The following FRMD4A variants were observed in gnomAD, a reference collection of about 807,000 sequenced individuals.
FRMD4A encodes FERM domain containing 4A.
A neutral mutation model predicts 129.1 loss-of-function variants in FRMD4A; 29 were observed. That is an observed-to-expected ratio of 0.22 (90% CI 0.17 to 0.31). FRMD4A has a LOEUF of 0.31. Among genes scored for constraint, FRMD4A ranks in the 10% least tolerant of loss-of-function variants. FRMD4A has a pLI of 1.00. For missense variants in FRMD4A, 1,272 were observed against 1,375.8 expected (o/e 0.92, Z 1.19); for synonymous variants, 634 against 571.6 (o/e 1.11, Z -1.56).
At chr10:13,684,871 GAAA>G (rs11315548) in intron 15 of FRMD4A, 121 of 875,706 alleles carry the variant, frequency 1.4e-4, no homozygotes, top group Middle Eastern at 1.2e-3. Flanking sequence ...AGACCTTAGA[GAAA>G]AAAAAAAAAA....
At chr10:13,719,691 G>T (rs745454916) in intron 12 of FRMD4A, among the ~76,000 whole-genome samples, 3 of 152,156 alleles carry the variant, frequency 2.0e-5, no homozygotes, top group Non-Finnish European at 4.4e-5. Flanking sequence ...CTAAGTATTG[G>T]CTGGTTCAGC....
intron 23 of FRMD4A, chr10:13,652,845 G>C (rs1229647968): frequency 6.6e-6 from 1 of 152,240 alleles, no homozygotes; most frequent in Non-Finnish European, 1.5e-5. Flanking sequence ...TTGTGTTACA[G>C]GTAAGCCCGA....
chr10:14,151,252 A>G (rs369714900), intron 2 of FRMD4A, among the ~76,000 whole-genome samples: 10 of 152,378 alleles, frequency 6.6e-5, no homozygotes, highest in African/African-American at 2.2e-4. Context: ...AAAGTCATGT[A>G]AGCAACCTAA....
intron 2 of FRMD4A, among the ~76,000 whole-genome samples, chr10:13,884,186 A>ACGCT (rs1554956520): frequency 7.3e-5 from 8 of 109,652 alleles, no homozygotes; most frequent in East Asian, 2.9e-4. Flanking sequence ...TCACACACAC[A>ACGCT]CACACACACT....
intron 17 of FRMD4A, among the ~76,000 whole-genome samples, chr10:13,669,057 G>GATTTT (rs541360128): frequency 2.1e-5 from 2 of 97,460 alleles, no homozygotes. Flanking sequence ...CTGAGCTTTA[G>GATTTT]TTTTTTTTTT....
chr10:13,651,140 A>G (rs890373523), intron 24 of FRMD4A: 3 of 152,264 alleles, frequency 2.0e-5, no homozygotes, highest in African/African-American at 7.2e-5. Flanking sequence ...TTAAATGCAC[A>G]TTAGGTTCAG....
chr10:13,675,178 G>T (rs557138147), intron 15 of FRMD4A, 134 bp from the exon 16 acceptor site: 29 of 751,466 alleles, frequency 3.9e-5, no homozygotes, highest in Non-Finnish European at 6.0e-5. Flanking sequence ...AATAAAACAG[G>T]TGCTCAGCAC....
chr10:14,123,144 A>T (rs903601947), intron 2 of FRMD4A, among the ~76,000 whole-genome samples: 5 of 152,230 alleles, frequency 3.3e-5, no homozygotes, highest in South Asian at 2.1e-4. Context: ...AAAACAAAAC[A>T]AAACTAAAAC....
At chr10:14,231,318 G>T (rs1344087525) in intron 2 of FRMD4A, among the ~76,000 whole-genome samples, 1 of 151,262 alleles carries the variant, frequency 6.6e-6, no homozygotes, top group Non-Finnish European at 1.5e-5. Context: ...TAGCTATTCT[G>T]ACTGGTATGA....
Position 13,964,223 on chromosome 10 carries a change from A to G in FRMD4A, c.46-105311T>C, listed in dbSNP as rs1195324720. Among the ~76,000 whole-genome samples, 4 of 152,068 alleles carry G rather than the reference A, an allele frequency of 2.6e-5. No homozygotes were observed. In the East Asian group the frequency reaches 7.7e-4, roughly 29 times the overall value. ...CAAATAGACCAAAGAAAACCAAAAC[A>G]AAAAACATCAAACAAACAAACAAAC... is the stretch of plus-strand genomic sequence containing the variant. On this transcript the variant is annotated intron_variant, in intron 2 of 24. Transcript: ENST00000357447.
In FRMD4A at chr10:13,895,417, A is replaced by G. The variant is rs527378282; in HGVS notation, c.46-36505T>C. ...ATGTCCCTGCAAAGGATATGATCTCATTCTTTTTTTATGGCTGCATAGTAT... is the reference window on the plus strand; with the variant it reads ...ATGTCCCTGCAAAGGATATGATCTCGTTCTTTTTTTATGGCTGCATAGTAT... On this transcript the variant is annotated intron_variant, in intron 2 of 24. Coordinates refer to ENST00000357447, the MANE Select transcript of FRMD4A (RefSeq NM_018027.5). 1.1e-4 allele frequency among the ~76,000 whole-genome samples: 16 copies of G among 152,186 alleles called. No homozygotes were observed. The South Asian group carries it at 3.3e-3, about 32-fold the overall frequency.
chr10:14,037,955 A>C (rs1294843982), intron 2 of FRMD4A, among the ~76,000 whole-genome samples: 1 of 152,258 alleles, frequency 6.6e-6, no homozygotes, highest in Non-Finnish European at 1.5e-5. Context: ...TCTCATAAAC[A>C]TCCCAATAAT....
intron 2 of FRMD4A, among the ~76,000 whole-genome samples, chr10:14,150,791 C>T (rs1840301803): frequency 6.6e-6 from 1 of 152,164 alleles, no homozygotes; most frequent in Admixed American, 6.5e-5. Flanking sequence ...TTCCATTTTC[C>T]TCCCGCTCCT....
At chr10:14,067,036 G>A (rs1835091548) in intron 2 of FRMD4A, among the ~76,000 whole-genome samples, 6 of 152,158 alleles carry the variant, frequency 3.9e-5, no homozygotes, top group Admixed American at 3.9e-4. Flanking sequence ...AATATGTCTC[G>A]GCTAGGTGCA....
At chr10:13,789,041 T>G (rs901699012) in intron 5 of FRMD4A, among the ~76,000 whole-genome samples, 1 of 152,200 alleles carries the variant, frequency 6.6e-6, no homozygotes, top group Non-Finnish European at 1.5e-5. Flanking sequence ...CATTTTGTAA[T>G]GAACACAAAT....
At chr10:14,134,463 G>A (rs563609934) in intron 2 of FRMD4A, among the ~76,000 whole-genome samples, 1 of 151,516 alleles carries the variant, frequency 6.6e-6, no homozygotes, top group South Asian at 2.1e-4. Flanking sequence ...TGGGAGATAA[G>A]CACATGAATG....
chr10:14,065,564 C>A (rs537232946), intron 2 of FRMD4A, among the ~76,000 whole-genome samples: 1 of 152,226 alleles, frequency 6.6e-6, no homozygotes, highest in South Asian at 2.1e-4. Flanking sequence ...CTCCAATTCC[C>A]CACTGAAATA....
chr10:14,228,340 C>G (rs888841823), intron 2 of FRMD4A, among the ~76,000 whole-genome samples: 1 of 152,216 alleles, frequency 6.6e-6, no homozygotes, highest in Non-Finnish European at 1.5e-5. Context: ...TATGTCCCCA[C>G]TTGATTGGGA....
intron 2 of FRMD4A, among the ~76,000 whole-genome samples, chr10:14,000,646 C>CAAAAAAAAAAAAAAAAAAAAAAA (rs11377448): frequency 4.6e-5 from 2 of 43,468 alleles, no homozygotes; most frequent in African/African-American, 8.3e-5. Context: ...GACGCCACCT[C>CAAAAAAAAAAAAAAAAAAAAAAA]AAAAAAAAAA....
Sources: gnomAD v4.1 joint callset for allele counts (sites outside exome capture counted in the v4.1 genomes callset) on GRCh38, gnomAD v4.1.1 for gene constraint, MANE v1.5 for transcripts, NCBI Gene and HGNC (gene_info 2026-07-23, HGNC 2026-07-21) for gene names.